The following SRGAP3 variants were observed in gnomAD, a reference collection of about 807,000 sequenced individuals.
SRGAP3 encodes SLIT-ROBO Rho GTPase activating protein 3.
Under a neutral mutation model 121.1 loss-of-function variants are expected in SRGAP3, and 39 were observed. The observed-to-expected ratio is 0.32, with a 90% CI of 0.25 to 0.42. The LOEUF (loss-of-function observed/expected upper bound fraction) is 0.42, where lower values mean the gene tolerates loss of function less well. Ranked by LOEUF, SRGAP3 falls within the 10% of genes least tolerant of loss-of-function variation. The pLI, the probability that SRGAP3 is intolerant of heterozygous loss-of-function variation, is 1.00. For missense variants in SRGAP3, 1,213 were observed against 1,470.6 expected, an observed-to-expected ratio of 0.82 and a Z score of 2.86; for synonymous variants, 601 against 570.0, an observed-to-expected ratio of 1.05 and a Z score of -0.77.
At chr3:9,209,872 C>A (rs1553692000) in intron 1 of SRGAP3, among the ~76,000 whole-genome samples, 4 of 152,090 alleles carry the variant, frequency 2.6e-5, no homozygotes, top group Non-Finnish European at 5.9e-5. Context: ...TCACAATAGC[C>A]AAAAACTGGA....
intron 1 of SRGAP3, among the ~76,000 whole-genome samples, chr3:9,128,768 G>A (rs1219129896): frequency 6.6e-6 from 1 of 152,194 alleles, no homozygotes; most frequent in Non-Finnish European, 1.5e-5. Flanking sequence ...TAATGAAAAA[G>A]GAATGCTACT....
chr3:9,238,504 G>A (rs1022278867), intron 1 of SRGAP3, among the ~76,000 whole-genome samples: 3 of 152,214 alleles, frequency 2.0e-5, no homozygotes, highest in African/African-American at 4.8e-5. Context: ...CCCACCACAC[G>A]AGCATATGGG....
At chr3:9,293,693 T>C (rs1186487492) in intron 3 of SRGAP3, among the ~76,000 whole-genome samples, 1 of 152,092 alleles carries the variant, frequency 6.6e-6, no homozygotes, top group African/African-American at 2.4e-5. Context: ...CAGACACTTC[T>C]CAAAAGAAGA....
chr3:9,312,356 C>T (rs1342028711), intron 3 of SRGAP3, among the ~76,000 whole-genome samples: 1 of 152,162 alleles, frequency 6.6e-6, no homozygotes, highest in Non-Finnish European at 1.5e-5. Context: ...GGAGTTTCAC[C>T]ATGTTGGCCA....
At chr3:9,034,595 A>G (rs1407844609) in intron 11 of SRGAP3, 1 of 152,268 alleles carries the variant, frequency 6.6e-6, no homozygotes, top group Non-Finnish European at 1.5e-5. Flanking sequence ...ATGCCACCCA[A>G]ACAATGGAAA....
chr3:9,277,248 G>A (rs2125263482), intron 3 of SRGAP3, among the ~76,000 whole-genome samples: 1 of 152,224 alleles, frequency 6.6e-6, no homozygotes, highest in South Asian at 2.1e-4. Context: ...TACAGAAGAG[G>A]AAATAAGAGT....
intron 3 of SRGAP3, among the ~76,000 whole-genome samples, chr3:9,277,386 G>C (rs1223503818): frequency 6.6e-6 from 1 of 151,854 alleles, no homozygotes; most frequent in Non-Finnish European, 1.5e-5. Flanking sequence ...GATCACTTGA[G>C]GTCAGGAGTT....
rs1943302481 is a variant in SRGAP3 at position 9,010,379 on chromosome 3, G to C, written c.2156C>G (p.Pro719Arg). 1 of 1,614,116 alleles carries C rather than the reference G, an allele frequency of 6.2e-7. No individual in the cohort carries two copies. The highest frequency in any genetic ancestry group is 8.5e-7 in the Non-Finnish European group (1 of 1,180,018). ...ATCGATGGCCCCTGGCTCGCTGTGTGGGCTGTCACTGCAAGGAAACACGGG... is the reference window on the plus strand; with the variant it reads ...ATCGATGGCCCCTGGCTCGCTGTGTCGGCTGTCACTGCAAGGAAACACGGG... Reference protein sequence around the residue: ...MAGGEEYCDSPHSEPGAIDEV... With the variant: ...MAGGEEYCDSRHSEPGAIDEV... Residue 719 changes from proline (P) to arginine (R), a missense_variant, in exon 18 of 22, where the codon CCA (proline) becomes CGA (arginine). Physicochemically the swap from Pro to Arg is moderately radical, Grantham distance 103. This residue lies in a region of SRGAP3 where 793 missense variants were observed against 1,032.9 expected (regional missense o/e 0.77). Transcript: ENST00000383836.
chr3:9,088,774 T>C (rs566273489), intron 3 of SRGAP3, among the ~76,000 whole-genome samples: 1 of 152,244 alleles, frequency 6.6e-6, no homozygotes, highest in Non-Finnish European at 1.5e-5. Context: ...ACTCAGGAAA[T>C]TTCCTGCACA....
At chr3:9,164,534 C>T (rs750253006) in intron 1 of SRGAP3, among the ~76,000 whole-genome samples, 10 of 152,104 alleles carry the variant, frequency 6.6e-5, no homozygotes, top group Non-Finnish European at 1.3e-4. Context: ...AAGTGATCTA[C>T]TCACCTCAGC....
intron 1 of SRGAP3, among the ~76,000 whole-genome samples, chr3:9,235,107 G>A (rs1210425757): frequency 6.6e-6 from 1 of 152,202 alleles, no homozygotes; most frequent in African/African-American, 2.4e-5. Flanking sequence ...CGCCACAAGA[G>A]AGTGGTGTCC....
At chr3:9,022,184 C>A (rs533275945) in intron 14 of SRGAP3, among the ~76,000 whole-genome samples, 1 of 152,034 alleles carries the variant, frequency 6.6e-6, no homozygotes, top group East Asian at 1.9e-4. Flanking sequence ...AAAAATTAGC[C>A]GGGCAAGGTG....
chr3:9,076,416 C>T (rs906284943), intron 4 of SRGAP3, among the ~76,000 whole-genome samples: 3 of 148,760 alleles, frequency 2.0e-5, no homozygotes, highest in African/African-American at 7.6e-5. Flanking sequence ...CATGAAGTGG[C>T]TACAGATGTT....
At chr3:9,119,574 C>G (rs371594284) in intron 2 of SRGAP3, among the ~76,000 whole-genome samples, 1 of 152,216 alleles carries the variant, frequency 6.6e-6, no homozygotes. Flanking sequence ...CCCTTTGACA[C>G]TCCTCCAATG....
Position 9,222,984 on chromosome 3 carries a change from G to C in SRGAP3, c.67+25901C>G, listed in dbSNP as rs113276865. On this transcript the variant is annotated intron_variant, in intron 1 of 21. Transcript: ENST00000383836. ...TCAGCCTCTGAGCCACACTCCACAAGACATTGCCACTATGCCACCAGTGCT... is the reference window on the plus strand; with the variant it reads ...TCAGCCTCTGAGCCACACTCCACAACACATTGCCACTATGCCACCAGTGCT... Among the ~76,000 whole-genome samples, 238 of 152,330 alleles carry C rather than the reference G, an allele frequency of 1.6e-3. 2 individuals are homozygous for C. Among genetic ancestry groups the C allele is most frequent in the African/African-American group, 5.5e-3 (229 of 41,576 alleles).
chr3:9,203,174 G>C (rs1226622276), intron 1 of SRGAP3, among the ~76,000 whole-genome samples: 2 of 152,096 alleles, frequency 1.3e-5, no homozygotes, highest in African/African-American at 4.8e-5. Context: ...CTTCAAACTG[G>C]AGGGCACCAT....
At chr3:9,174,622 C>T (rs1003763253) in intron 1 of SRGAP3, among the ~76,000 whole-genome samples, 4 of 152,156 alleles carry the variant, frequency 2.6e-5, no homozygotes, top group African/African-American at 9.7e-5. Flanking sequence ...GACGCACAGG[C>T]GGGAGTTCAC....
intron 9 of SRGAP3, 52 bp downstream of exon 9, chr3:9,052,975 A>T (rs1401451289): frequency 1.2e-6 from 2 of 1,610,018 alleles, no homozygotes; most frequent in African/African-American, 2.7e-5. Context: ...CTGAAAAGTC[A>T]CTGCCAGTGG....
In SRGAP3 at chr3:9,128,559, T is replaced by C. The variant is rs73811433; in HGVS notation, c.68-3642A>G. Reference sequence around the variant, plus strand: ...GATGATTGTAGAAACCAATGTATTATGGTATTTATCCTATGACCGGGCAAT... The same window carrying C: ...GATGATTGTAGAAACCAATGTATTACGGTATTTATCCTATGACCGGGCAAT... On this transcript the variant is annotated intron_variant, in intron 1 of 21. Transcript: ENST00000383836. Among the ~76,000 whole-genome samples the C allele has an allele frequency of 2.9e-3, 441 of 152,354 alleles. 2 individuals are homozygous for C. Among genetic ancestry groups the C allele is most frequent in the African/African-American group, 9.9e-3 (410 of 41,584 alleles).
Sources: gnomAD v4.1 joint callset for allele counts (sites outside exome capture counted in the v4.1 genomes callset) on GRCh38, gnomAD v4.1.1 for gene constraint, gnomAD v4.1.1 regional missense constraint, MANE v1.5 for transcripts, NCBI Gene and HGNC (gene_info 2026-07-23, HGNC 2026-07-21) for gene names.